The following ARHGAP24 variants were observed in gnomAD, a reference collection of about 807,000 sequenced individuals.
ARHGAP24 encodes the protein Rho GTPase activating protein 24.
A neutral mutation model predicts 76.4 loss-of-function variants in ARHGAP24; 50 were observed. The ratio of observed to expected loss-of-function variants is 0.65; its 90% confidence interval spans 0.52 to 0.83. The LOEUF (loss-of-function observed/expected upper bound fraction) is 0.83. ARHGAP24 is among the 40% of genes least tolerant of loss of function. The pLI is 0.00. For missense variants in ARHGAP24, 930 were observed against 914.2 expected (o/e 1.02, Z -0.22); for synonymous variants, 345 against 323.3 (o/e 1.07, Z -0.72).
intron 3 of ARHGAP24, among the ~76,000 whole-genome samples, chr4:85,780,028 T>G (rs1727472108): frequency 6.6e-6 from 1 of 152,196 alleles, no homozygotes; most frequent in African/African-American, 2.4e-5. Flanking sequence ...GGGGACTAAA[T>G]GCAATTTAAT....
At chr4:85,919,372 T>C (rs547881578) in intron 3 of ARHGAP24, among the ~76,000 whole-genome samples, 2 of 152,338 alleles carry the variant, frequency 1.3e-5, no homozygotes, top group African/African-American at 4.8e-5. Context: ...CAGATGGCAC[T>C]TTCAGTTAGA....
At chr4:85,888,464 T>C (rs1733697938) in intron 3 of ARHGAP24, among the ~76,000 whole-genome samples, 2 of 151,870 alleles carry the variant, frequency 1.3e-5, no homozygotes, top group Admixed American at 6.6e-5. Context: ...TTTATAAGCT[T>C]CAGATGCATT....
chr4:85,838,201 G>T (rs1179241133), intron 3 of ARHGAP24, among the ~76,000 whole-genome samples: 2 of 152,236 alleles, frequency 1.3e-5, no homozygotes, highest in Admixed American at 1.3e-4. Context: ...ACATCAACTA[G>T]TGGCAGGGTC....
chr4:85,991,036 GA>G (rs1338677196), intron 8 of ARHGAP24: 1 of 151,946 alleles, frequency 6.6e-6, no homozygotes, highest in Non-Finnish European at 1.5e-5. Flanking sequence ...AATATGTAAA[GA>G]ACTCATGCAA....
intron 3 of ARHGAP24, among the ~76,000 whole-genome samples, chr4:85,854,922 CA>C (rs1280113885): frequency 6.6e-6 from 1 of 152,162 alleles, no homozygotes; most frequent in East Asian, 1.9e-4. Flanking sequence ...GTCCCAAGAA[CA>C]AGGGACTATT....
intron 1 of ARHGAP24, among the ~76,000 whole-genome samples, chr4:85,526,183 G>A (rs1442490416): frequency 6.6e-6 from 1 of 151,986 alleles, no homozygotes; most frequent in Non-Finnish European, 1.5e-5. Context: ...GGCCAAGATG[G>A]GTGGATGGCC....
intron 2 of ARHGAP24, among the ~76,000 whole-genome samples, chr4:85,715,752 T>TTTTCAA (rs1271316385): frequency 6.6e-6 from 1 of 152,094 alleles, no homozygotes. Context: ...GTAATACCTG[T>TTTTCAA]TTTCAATTTT....
chr4:85,606,776 T>C (rs1192212774), intron 2 of ARHGAP24, among the ~76,000 whole-genome samples: 2 of 152,232 alleles, frequency 1.3e-5, no homozygotes, highest in African/African-American at 4.8e-5. Context: ...CAAGTGAGAC[T>C]GACATTATAT....
chr4:85,996,155 G>A (rs1253160863), intron 9 of ARHGAP24, among the ~76,000 whole-genome samples: 1 of 152,170 alleles, frequency 6.6e-6, no homozygotes, highest in Non-Finnish European at 1.5e-5. Flanking sequence ...TGTTCCAGAC[G>A]CTGAGGATTC....
At chr4:85,571,831 G>T (rs1727150977) in intron 2 of ARHGAP24, among the ~76,000 whole-genome samples, 1 of 152,072 alleles carries the variant, frequency 6.6e-6, no homozygotes, top group South Asian at 2.1e-4. Flanking sequence ...CTCTCTTTGT[G>T]CATGAACACC....
chr4:85,640,178 C>T (rs1721473646), intron 2 of ARHGAP24, among the ~76,000 whole-genome samples: 1 of 152,162 alleles, frequency 6.6e-6, no homozygotes, highest in Admixed American at 6.5e-5. Flanking sequence ...CCTTATCACT[C>T]CAGGGCGAGG....
At chr4:85,829,312 A>T (rs1729874422) in intron 3 of ARHGAP24, among the ~76,000 whole-genome samples, 1 of 152,218 alleles carries the variant, frequency 6.6e-6, no homozygotes, top group Non-Finnish European at 1.5e-5. Flanking sequence ...ATTATTCAAA[A>T]CAATTAACAA....
intron 1 of ARHGAP24, among the ~76,000 whole-genome samples, chr4:85,481,615 T>A (rs774782642): frequency 6.6e-6 from 1 of 152,174 alleles, no homozygotes; most frequent in Non-Finnish European, 1.5e-5. Context: ...CCAGACTATT[T>A]TCTGGTGAGA....
chr4:85,600,115 A>T (rs1233295237), intron 2 of ARHGAP24, among the ~76,000 whole-genome samples: 1 of 152,172 alleles, frequency 6.6e-6, no homozygotes, highest in African/African-American at 2.4e-5. Context: ...CTAGGTAGAG[A>T]GGTCCAGGGT....
At chr4:85,520,093 A>C (rs1724678709) in intron 1 of ARHGAP24, among the ~76,000 whole-genome samples, 1 of 152,178 alleles carries the variant, frequency 6.6e-6, no homozygotes, top group South Asian at 2.1e-4. Context: ...TGTTTCAAAA[A>C]CATCCTTGGC....
chr4:85,607,781 G>T (rs1720251051), intron 2 of ARHGAP24, among the ~76,000 whole-genome samples: 2 of 82,752 alleles, frequency 2.4e-5, no homozygotes, highest in East Asian at 3.3e-3. Context: ...TTTAGCCCAG[G>T]TGTTGGAGCC....
intron 3 of ARHGAP24, among the ~76,000 whole-genome samples, chr4:85,898,747 A>AT (rs995221693): frequency 1.2e-4 from 18 of 151,516 alleles, no homozygotes; most frequent in African/African-American, 2.9e-4. Context: ...TGCATACATT[A>AT]TTTTTTTTTC....
intron 4 of ARHGAP24, among the ~76,000 whole-genome samples, chr4:85,933,369 T>C (rs1736457705): frequency 1.3e-5 from 2 of 152,174 alleles, no homozygotes; most frequent in South Asian, 2.1e-4. Context: ...GGATAAAGTG[T>C]GGAGTTGAGT....
chr4:85,590,192 G>GCCTGCCTGCCTGCCTT (rs1560543834), intron 2 of ARHGAP24, among the ~76,000 whole-genome samples: 7 of 111,310 alleles, frequency 6.3e-5, no homozygotes, highest in African/African-American at 2.0e-4. Context: ...CTGCCTGCCT[G>GCCTGCCTGCCTGCCTT]CCTTCCTTCC....
Sources: gnomAD v4.1 joint callset for allele counts (sites outside exome capture counted in the v4.1 genomes callset) on GRCh38, gnomAD v4.1.1 for gene constraint, MANE v1.5 for transcripts, NCBI Gene and HGNC (gene_info 2026-07-23, HGNC 2026-07-21) for gene names.